Variants in MYOF observed in about 807,000 individuals in gnomAD.
MYOF encodes myoferlin.
MYOF carries 244 observed loss-of-function variants against 284.2 expected under a neutral mutation model. The observed-to-expected ratio is 0.86, with a 90% confidence interval of 0.77 to 0.95. MYOF has a LOEUF of 0.95. Among genes scored for constraint, MYOF ranks in the 40% least tolerant of loss-of-function variants. MYOF has a pLI of 0.00. For missense variants in MYOF, 2,496 were observed against 2,560.6 expected (o/e 0.97, Z 0.54); for synonymous variants, 904 against 919.7 (o/e 0.98, Z 0.31).
intron 50 of MYOF, among the ~76,000 whole-genome samples, chr10:93,315,490 G>T (rs996116588): frequency 2.6e-5 from 4 of 152,152 alleles, no homozygotes; most frequent in Admixed American, 1.3e-4. Context: ...AAATGGAGGG[G>T]TTGTGAGCTG....
chr10:93,344,837 T>G (rs1442827024), intron 37 of MYOF, among the ~76,000 whole-genome samples: 1 of 137,280 alleles, frequency 7.3e-6, no homozygotes, highest in Non-Finnish European at 1.6e-5. Context: ...CAGCCCTTAT[T>G]CTCAACAGCG....
chr10:93,313,251 TG>T (rs1842476500), intron 50 of MYOF, 41 bp from the exon 51 acceptor site: 1 of 1,570,168 alleles, frequency 6.4e-7, no homozygotes, highest in African/African-American at 1.4e-5. Flanking sequence ...GAGCTTCAAG[TG>T]GATCAGCTGT....
At position 93,369,773 on chromosome 10, in the gene MYOF, G is replaced by T. The variant is rs1302116278; in HGVS notation, c.2461C>A (p.Pro821Thr). The change falls in exon 25 of 54, where the codon CCA (proline) becomes ACA (threonine). Residue 821 changes from proline to threonine, a missense_variant. By Grantham distance (38) the Pro-to-Thr change is conservative. Coordinates refer to ENST00000359263, the MANE Select transcript of MYOF (RefSeq NM_013451.4). ...GKTQTIFLKYPQEKNNGPKVP... is the reference protein window; with the variant it reads ...GKTQTIFLKYTQEKNNGPKVP... ...TTTGGCCCGTTGTTTTTCTCCTGTG[G>T]ATACTGTGAGATGAACAATAGCATG... 6.2e-6 allele frequency: 10 copies of T among 1,613,970 alleles called. No homozygotes were observed. The highest frequency in any genetic ancestry group is 8.5e-6 in the Non-Finnish European group (10 of 1,180,016).
rs1037523063 is a variant in MYOF, at chr10:93,306,690, A to G, written c.*273T>C. 6 of 413,556 alleles carry G rather than the reference A, an allele frequency of 1.5e-5. No homozygotes were observed. The highest frequency in any genetic ancestry group is 2.5e-5 in the Non-Finnish European group (6 of 235,660). The allele number at this position is 413,556 out of a possible 1,614,324, so 25.6% of individuals were successfully genotyped here. ...ACACATATAAAAAGATGATTTTTAAATGGAACCAGCCACCTTGAAAAATAT... is the reference window on the plus strand; with the variant it reads ...ACACATATAAAAAGATGATTTTTAAGTGGAACCAGCCACCTTGAAAAATAT... On this transcript the variant is annotated 3_prime_UTR_variant, in exon 54 of 54. Coordinates refer to ENST00000359263, the MANE Select transcript of MYOF (RefSeq NM_013451.4).
At chr10:93,378,693 G>GTGTATATATATATACATATATA in intron 21 of MYOF, among the ~76,000 whole-genome samples, 1 of 87,894 alleles carries the variant, frequency 1.1e-5, no homozygotes, top group East Asian at 8.1e-4. Flanking sequence ...GTGTGTGTGT[G>GTGTATATATATATACATATATA]TATATATATA....
intron 52 of MYOF, 59 bp downstream of exon 52, chr10:93,310,475 A>T (rs1842331192): frequency 1.3e-6 from 2 of 1,534,178 alleles, no homozygotes; most frequent in East Asian, 2.3e-5. Context: ...AGCCAATGGG[A>T]AGGGGGGCTC....
At chr10:93,332,775 A>G (rs1843385254) in intron 43 of MYOF, among the ~76,000 whole-genome samples, 1 of 152,042 alleles carries the variant, frequency 6.6e-6, no homozygotes, top group Admixed American at 6.6e-5. Flanking sequence ...TGAACCCAGG[A>G]GGCGGAGCTT....
At chr10:93,434,962 T>C (rs1161022942) in intron 3 of MYOF, among the ~76,000 whole-genome samples, 2 of 152,178 alleles carry the variant, frequency 1.3e-5, no homozygotes, top group Non-Finnish European at 2.9e-5. Context: ...AGCACGAGTA[T>C]TAAGGAGAAT....
At chr10:93,420,545 G>A (rs996647890) in intron 5 of MYOF, among the ~76,000 whole-genome samples, 2 of 152,208 alleles carry the variant, frequency 1.3e-5, no homozygotes, top group African/African-American at 2.4e-5. Flanking sequence ...AAGCCCTCAG[G>A]TGTTCACTTC....
At chr10:93,450,505 C>T (rs116545798) in intron 3 of MYOF, among the ~76,000 whole-genome samples, 23 of 152,280 alleles carry the variant, frequency 1.5e-4, no homozygotes, top group African/African-American at 4.6e-4. Flanking sequence ...ACTAAGGAGG[C>T]GGAGGTTGCG....
intron 1 of MYOF, among the ~76,000 whole-genome samples, chr10:93,467,515 C>T (rs1311199227): frequency 6.6e-6 from 1 of 152,062 alleles, no homozygotes; most frequent in Non-Finnish European, 1.5e-5. Flanking sequence ...AACACTTTTA[C>T]ACTGTTGGTG....
intron 3 of MYOF, among the ~76,000 whole-genome samples, chr10:93,450,832 G>A (rs546157801): frequency 5.3e-5 from 8 of 151,388 alleles, no homozygotes; most frequent in African/African-American, 7.4e-5. Context: ...ATTGATGGGG[G>A]CATTAAATAT....
At chr10:93,479,805 G>T (rs1168291369) in intron 1 of MYOF, among the ~76,000 whole-genome samples, 3 of 152,080 alleles carry the variant, frequency 2.0e-5, no homozygotes, top group Non-Finnish European at 2.9e-5. Flanking sequence ...TTTACCACTC[G>T]ATTTGTATGA....
chr10:93,469,789 C>T (rs535145248), intron 1 of MYOF, among the ~76,000 whole-genome samples: 1 of 152,314 alleles, frequency 6.6e-6, no homozygotes, highest in South Asian at 2.1e-4. Flanking sequence ...ACAGCCTTGG[C>T]GGTAAGCATT....
At chr10:93,336,103 T>C (rs972736133) in intron 40 of MYOF, 57 bp from the exon 41 acceptor site, 1 of 1,578,810 alleles carries the variant, frequency 6.3e-7, no homozygotes, top group Non-Finnish European at 8.6e-7. Context: ...AGGTCTAAAA[T>C]CAAAAGGGCT....
intron 3 of MYOF, among the ~76,000 whole-genome samples, chr10:93,448,038 A>G (rs1052966395): frequency 2.0e-5 from 3 of 152,116 alleles, no homozygotes; most frequent in African/African-American, 7.2e-5. Context: ...TGGCCCCCAA[A>G]GCCACATATA....
chr10:93,378,699 A>ATATATATATATATATATATATG (rs1441321801), intron 21 of MYOF, among the ~76,000 whole-genome samples: 29 of 93,304 alleles, frequency 3.1e-4, no homozygotes, highest in African/African-American at 1.0e-3. Flanking sequence ...GTGTGTATAT[A>ATATATATATATATATATATATG]TATATATATA....
At chr10:93,332,533 T>TA (rs1843361305) in intron 43 of MYOF, among the ~76,000 whole-genome samples, 1 of 150,894 alleles carries the variant, frequency 6.6e-6, no homozygotes, top group Non-Finnish European at 1.5e-5. Flanking sequence ...ACTCTTCTCT[T>TA]AAAAGCTAAG....
rs549920762 is a variant in MYOF, at chr10:93,474,193, T to G, written c.88+7914A>C. Among the ~76,000 whole-genome samples, 6 of 152,306 alleles carry G rather than the reference T, an allele frequency of 3.9e-5. No homozygotes were observed. In the East Asian group the frequency reaches 1.2e-3, roughly 29 times the overall value. On this transcript the variant is annotated intron_variant, in intron 1 of 53. Transcript: ENST00000359263. The stretch of plus-strand genomic sequence containing the variant: ...CCAGTCCTGGGATGAGCTCCATCTG[T>G]GCTGAGAAGCATTTGACTCAACTAG...
Sources: gnomAD v4.1 joint callset for allele counts (sites outside exome capture counted in the v4.1 genomes callset) on GRCh38, gnomAD v4.1.1 for gene constraint, MANE v1.5 for transcripts, NCBI Gene and HGNC (gene_info 2026-07-23, HGNC 2026-07-21) for gene names.